The following DENND2B variants were observed in gnomAD, a reference collection of about 807,000 sequenced individuals.
DENND2B encodes DENN domain containing 2B.
DENND2B carries 32 observed loss-of-function variants against 116.0 expected under a neutral mutation model. The ratio of observed to expected loss-of-function variants is 0.28; its 90% CI spans 0.21 to 0.37. DENND2B has a LOEUF of 0.37. Among genes scored for constraint, DENND2B ranks in the 10% least tolerant of loss-of-function variants. The pLI is 1.00. For missense variants in DENND2B, 1,276 were observed against 1,477.7 expected (o/e 0.86, Z 2.24); for synonymous variants, 588 against 583.9 (o/e 1.01, Z -0.10).
At chr11:8,695,911 CAGA>C (rs1452640454) in intron 18 of DENND2B, 5 of 302,166 alleles carry the variant, frequency 1.7e-5, no homozygotes, top group Admixed American at 1.4e-4. Context: ...TATTAGAGGA[CAGA>C]AGAAGTACTA....
chr11:8,828,940 AGT>A (rs1224577115), intron 4 of DENND2B, among the ~76,000 whole-genome samples: 1 of 151,226 alleles, frequency 6.6e-6, no homozygotes, highest in African/African-American at 2.4e-5. Context: ...GGGAGGAGAA[AGT>A]GTGTGTGTGT....
At chr11:8,826,731 G>C (rs2061992246) in intron 4 of DENND2B, among the ~76,000 whole-genome samples, 1 of 152,206 alleles carries the variant, frequency 6.6e-6, no homozygotes, top group African/African-American at 2.4e-5. Context: ...TAAGAACTTA[G>C]AAGTTCCTAA....
At chr11:8,890,990 A>G (rs566940929) in intron 1 of DENND2B, among the ~76,000 whole-genome samples, 2 of 152,348 alleles carry the variant, frequency 1.3e-5, no homozygotes, top group African/African-American at 4.8e-5. Context: ...GCAGCCAGAA[A>G]GAAAGGTCAG....
At chr11:8,863,346 T>TCCCAGGGTCACACCATTCTCCTGC in intron 2 of DENND2B, among the ~76,000 whole-genome samples, 1 of 81,268 alleles carries the variant, frequency 1.2e-5, no homozygotes, top group Non-Finnish European at 2.5e-5. Context: ...AAGCTCCACC[T>TCCCAGGGTCACACCATTCTCCTGC]CTCAGCCTCC....
chr11:8,751,568 C>G (rs1214855719), intron 1 of DENND2B, among the ~76,000 whole-genome samples: 1 of 151,120 alleles, frequency 6.6e-6, no homozygotes, highest in Non-Finnish European at 1.5e-5. Context: ...GACCACGAAC[C>G]TACCAGAAGG....
chr11:8,845,212 T>A (rs755115784), intron 3 of DENND2B: 8 of 152,246 alleles, frequency 5.3e-5, no homozygotes, highest in African/African-American at 7.2e-5. Flanking sequence ...ATTTTTATAG[T>A]GGTAAGCACC....
intron 13 of DENND2B, chr11:8,703,015 A>T: frequency 2.5e-6 from 1 of 403,424 alleles, no homozygotes; most frequent in Non-Finnish European, 4.5e-6. Context: ...AGGAGAGCTG[A>T]CTGCTCTTAG....
intron 4 of DENND2B, among the ~76,000 whole-genome samples, chr11:8,719,384 A>G (rs919581426): frequency 2.0e-5 from 3 of 152,342 alleles, no homozygotes; most frequent in African/African-American, 7.2e-5. Flanking sequence ...CAGTGGGAGC[A>G]ATATAAATCT....
At chr11:8,792,382 A>G (rs2059456505) in intron 1 of DENND2B, among the ~76,000 whole-genome samples, 1 of 152,198 alleles carries the variant, frequency 6.6e-6, no homozygotes, top group South Asian at 2.1e-4. Context: ...AGAAAATTCA[A>G]CTCCACAGCC....
At chr11:8,696,342 C>A in intron 18 of DENND2B, 85 bp downstream of exon 18, 1 of 1,562,096 alleles carries the variant, frequency 6.4e-7, no homozygotes. Flanking sequence ...TAGCTGATGT[C>A]CAAGAGCTTC....
intron 19 of DENND2B, 70 bp from the exon 20 acceptor site, chr11:8,694,200 T>C (rs2039904691): frequency 6.4e-7 from 1 of 1,565,610 alleles, no homozygotes; most frequent in Non-Finnish European, 8.8e-7. Context: ...CTCTCCTCCT[T>C]GTAGCCCTAA....
chr11:8,698,596 G>A (rs2040889490), intron 16 of DENND2B, among the ~76,000 whole-genome samples: 1 of 152,206 alleles, frequency 6.6e-6, no homozygotes, highest in African/African-American at 2.4e-5. Flanking sequence ...TTTCAAGGCA[G>A]GTGTTGTCAC....
chr11:8,710,173 C>A (rs902880193), intron 11 of DENND2B, among the ~76,000 whole-genome samples: 3 of 152,194 alleles, frequency 2.0e-5, no homozygotes, highest in African/African-American at 7.2e-5. Flanking sequence ...CCCAGTAGCT[C>A]CAAGCTGGGA....
chr11:8,741,381 A>C (rs1384176617), intron 2 of DENND2B, among the ~76,000 whole-genome samples: 2 of 152,188 alleles, frequency 1.3e-5, no homozygotes, highest in Non-Finnish European at 2.9e-5. Flanking sequence ...CACAGAGAGA[A>C]TACTGACACT....
intron 3 of DENND2B, among the ~76,000 whole-genome samples, chr11:8,852,136 G>A (rs1358173410): frequency 2.6e-5 from 4 of 152,194 alleles, no homozygotes; most frequent in African/African-American, 7.2e-5. Context: ...GAGGGCAAGA[G>A]ACTATCAAGT....
Position 8,726,090 on chromosome 11 carries a change from G to A in DENND2B, c.1460C>T (p.Ala487Val). 6.2e-7 allele frequency: 1 copy of A among 1,614,076 alleles called. No homozygotes were observed. The highest frequency in any genetic ancestry group is 8.5e-7 in the Non-Finnish European group (1 of 1,179,992). ...FGSKSTLEEN[A>V]YEDIVGDLPK... The stretch of plus-strand genomic sequence containing the variant: ...TTGCTTACCCACAATATCTTCATAG[G>A]CATTTTCTTCTAAAGTGCTTTTGGA... Residue 487 changes from alanine to valine, a missense_variant, in exon 4 of 20, where the codon GCC (alanine) becomes GTC (valine). Transcript: ENST00000313726.
chr11:8,852,752 G>A lies in DENND2B; in HGVS notation c.-156+4591C>T, dbSNP rs549860808. ...GAAGTATCACAATTAAACTATTCTA[G>A]AAAGCTCATTTGTTCAGCAGCCTAG... On this transcript the variant is annotated intron_variant, in intron 3 of 6. Coordinates refer to the DENND2B transcript ENST00000524757. 5.3e-5 allele frequency among the ~76,000 whole-genome samples: 8 copies of A among 152,276 alleles called. No homozygotes were observed. The East Asian group carries it at 1.2e-3, about 22-fold the overall frequency.
chr11:8,862,523 T>G, intron 2 of DENND2B, among the ~76,000 whole-genome samples: 1 of 151,854 alleles, frequency 6.6e-6, no homozygotes, highest in East Asian at 1.9e-4. Context: ...TTTGTAGAGA[T>G]AGGGGTTTAC....
chr11:8,906,763 A>T (rs998675650), intron 1 of DENND2B, among the ~76,000 whole-genome samples: 2 of 152,154 alleles, frequency 1.3e-5, no homozygotes, highest in African/African-American at 4.8e-5. Flanking sequence ...TTCCCCCAAT[A>T]ACCCAGTGAG....
Sources: gnomAD v4.1 joint callset for allele counts (sites outside exome capture counted in the v4.1 genomes callset) on GRCh38, gnomAD v4.1.1 for gene constraint, MANE v1.5 for transcripts, NCBI Gene and HGNC (gene_info 2026-07-23, HGNC 2026-07-21) for gene names.